MYO18B: variants seen among roughly 807,000 people sequenced by gnomAD.
MYO18B encodes myosin XVIIIB.
In MYO18B, 204 loss-of-function variants were observed where a neutral mutation model predicts 273.0. The observed-to-expected ratio is 0.75, with a 90% CI of 0.67 to 0.84. MYO18B has a LOEUF of 0.84. Among genes scored for constraint, MYO18B ranks in the 40% least tolerant of loss-of-function variants. The pLI is 0.00. For missense variants in MYO18B, 3,212 were observed against 3,287.6 expected, an observed-to-expected ratio of 0.98 and a Z score of 0.56; for synonymous variants, 1,330 against 1,305.7, an observed-to-expected ratio of 1.02 and a Z score of -0.40.
chr22:25,801,673 C>G (rs546065120), intron 12 of MYO18B, among the ~76,000 whole-genome samples: 3 of 152,174 alleles, frequency 2.0e-5, no homozygotes, highest in South Asian at 2.1e-4. Context: ...ACAGCCAGTA[C>G]CTTCCAGAGT....
At chr22:26,035,358 G>C (rs928539863), downstream of MYO18B, among the ~76,000 whole-genome samples, 1 of 152,318 alleles carries the variant, frequency 6.6e-6, no homozygotes, top group South Asian at 2.1e-4. Flanking sequence ...GACTCCTGCT[G>C]TCAGGGACCC....
chr22:25,801,315 A>G (rs1946940178), intron 12 of MYO18B, among the ~76,000 whole-genome samples: 1 of 152,160 alleles, frequency 6.6e-6, no homozygotes, highest in Non-Finnish European at 1.5e-5. Flanking sequence ...CACCACTAAT[A>G]TTGGCCTGGT....
rs9306420 is a variant in MYO18B, at chr22:25,985,276, G to A, written c.6157-7087G>A. On this transcript the variant is annotated intron_variant, in intron 39 of 43. Transcript: ENST00000335473. ...TTTGGGGGGCTGAGGCAGGAGAATT[G>A]CTTGAACCTGGGAGGCAGCGGTTGC... is the stretch of plus-strand genomic sequence containing the variant. Among the ~76,000 whole-genome samples the A allele has an allele frequency of 3.9e-5, 6 of 152,036 alleles. 1 individual carries two copies. Among genetic ancestry groups the A allele is most frequent in the African/African-American group, 1.4e-4 (6 of 41,450 alleles).
In MYO18B at chr22:25,761,181, G is replaced by A. The variant is rs550058909; in HGVS notation, c.39+50G>A. 106 of 1,601,918 alleles carry A rather than the reference G, an allele frequency of 6.6e-5. 2 individuals carry two copies. The highest frequency in any genetic ancestry group is 8.8e-5 in the South Asian group (8 of 90,950). ...TGCAGCCATCTGCAGGGACTGACTC[G>A]ACCCTCGGGAGACAAGTCCGACCTT... On this transcript the variant is annotated intron_variant, in intron 2 of 43. Transcript: ENST00000335473.
At chr22:25,841,258 G>A (rs1352626356) in intron 17 of MYO18B, among the ~76,000 whole-genome samples, 1 of 152,216 alleles carries the variant, frequency 6.6e-6, no homozygotes, top group East Asian at 1.9e-4. Flanking sequence ...AGGTGACAGA[G>A]TCTGAAGCTG....
rs1343579141 is a variant in MYO18B, at chr22:25,916,769, C to T, written c.5365-4488C>T. Among the ~76,000 whole-genome samples, 7 of 152,148 alleles carry T rather than the reference C, an allele frequency of 4.6e-5. No individual in the cohort carries two copies. In the South Asian group the frequency reaches 8.3e-4, roughly 18 times the overall value. ...GTGTGTGGCTGGGCACAGTGGCTCACGCCTGTAATCCCAGCACTTTGGGAG... is the reference window on the plus strand; with the variant it reads ...GTGTGTGGCTGGGCACAGTGGCTCATGCCTGTAATCCCAGCACTTTGGGAG... On this transcript the variant is annotated intron_variant, in intron 33 of 43. Coordinates refer to ENST00000335473, the MANE Select transcript of MYO18B (RefSeq NM_032608.7).
At chr22:25,897,204 C>T (rs191013725) in intron 28 of MYO18B, 1 of 152,330 alleles carries the variant, frequency 6.6e-6, no homozygotes, top group African/African-American at 2.4e-5. Context: ...CTACTCACTT[C>T]ATAGTCTCTC....
chr22:25,893,151 A>G (rs1047734169), intron 27 of MYO18B, among the ~76,000 whole-genome samples: 13 of 152,254 alleles, frequency 8.5e-5, no homozygotes, highest in African/African-American at 2.9e-4. Context: ...AAACATTTTA[A>G]TCATATCATC....
chr22:25,979,871 G>C (rs2093131689), intron 39 of MYO18B, among the ~76,000 whole-genome samples: 1 of 151,994 alleles, frequency 6.6e-6, no homozygotes, highest in Admixed American at 6.6e-5. Context: ...ATAAGGTCTT[G>C]AGGAGTCTGT....
At chr22:26,032,453 T>G (rs1936687625), downstream of MYO18B, among the ~76,000 whole-genome samples, 2 of 151,982 alleles carry the variant, frequency 1.3e-5, no homozygotes, top group Admixed American at 6.6e-5. Flanking sequence ...CACATTTTTC[T>G]CTTATAAGAA....
chr22:25,955,493 C>A, intron 39 of MYO18B, 129 bp downstream of exon 39: 2 of 965,082 alleles, frequency 2.1e-6, no homozygotes, highest in Non-Finnish European at 2.9e-6. Context: ...GTGCGGAAAG[C>A]CAGGAGAAAC....
chr22:25,960,224 T>A (rs1049807009), intron 39 of MYO18B, among the ~76,000 whole-genome samples: 15 of 152,180 alleles, frequency 9.9e-5, no homozygotes, highest in South Asian at 4.2e-4. Context: ...GAAAATAATA[T>A]TCTGGCTCTA....
intron 12 of MYO18B, among the ~76,000 whole-genome samples, chr22:25,821,637 C>T (rs905259436): frequency 1.3e-5 from 2 of 151,966 alleles, no homozygotes; most frequent in Non-Finnish European, 2.9e-5. Flanking sequence ...ATTAGCTGGG[C>T]GTGGTGGTGG....
Position 25,781,267 on chromosome 22 carries a change from C to T in MYO18B, c.2212-467C>T, listed in dbSNP as rs917662005. Among the ~76,000 whole-genome samples the T allele has an allele frequency of 5.9e-5, 9 of 152,046 alleles. 1 individual carries two copies. The East Asian group carries it at 1.2e-3, about 20-fold the overall frequency. ...GAGACAAAGGATTGAGAAGTTCTGA[C>T]GTGGAGGTTGCCAGCAAAATTAATT... On this transcript the variant is annotated intron_variant, in intron 9 of 43. Transcript: ENST00000335473.
intron 22 of MYO18B, among the ~76,000 whole-genome samples, chr22:25,873,328 C>T (rs1195870414): frequency 2.0e-5 from 3 of 152,222 alleles, no homozygotes; most frequent in Admixed American, 6.5e-5. Flanking sequence ...TGCTAGATCC[C>T]TCAGCACCTC....
At chr22:25,979,180 G>A (rs997136475) in intron 39 of MYO18B, among the ~76,000 whole-genome samples, 9 of 152,126 alleles carry the variant, frequency 5.9e-5, no homozygotes, top group African/African-American at 1.7e-4. Context: ...CTGCAATCAC[G>A]TGGGCTAGTG....
Position 25,995,016 on chromosome 22 carries a change from G to A in MYO18B, c.6287+2523G>A, listed in dbSNP as rs181869629. On this transcript the variant is annotated intron_variant, in intron 40 of 43. Coordinates refer to ENST00000335473, the MANE Select transcript of MYO18B (RefSeq NM_032608.7). ...AGGGTGGGTGACAGGCTGGAAGAAG[G>A]TGCAACAAGAAGCAAGGGACAGTGT... 5.3e-5 allele frequency among the ~76,000 whole-genome samples: 8 copies of A among 152,298 alleles called. 1 individual carries two copies. Among genetic ancestry groups the A allele is most frequent in the Admixed American group, 6.5e-5 (1 of 15,298 alleles).
chr22:25,777,400 G>A (rs929718698), intron 7 of MYO18B, among the ~76,000 whole-genome samples, 183 bp from the exon 8 acceptor site: 1 of 152,214 alleles, frequency 6.6e-6, no homozygotes, highest in African/African-American at 2.4e-5. Flanking sequence ...AGGGAGCCAG[G>A]GGCAGGACTA....
intron 10 of MYO18B, among the ~76,000 whole-genome samples, chr22:25,783,379 A>C (rs1447091917): frequency 6.6e-6 from 1 of 152,258 alleles, no homozygotes; most frequent in Admixed American, 6.5e-5. Context: ...TGTGCGGTGC[A>C]TAGTAATGGT....
Sources: gnomAD v4.1 joint callset for allele counts (sites outside exome capture counted in the v4.1 genomes callset) on GRCh38, gnomAD v4.1.1 for gene constraint, MANE v1.5 for transcripts, NCBI Gene and HGNC (gene_info 2026-07-23, HGNC 2026-07-21) for gene names.